BCL11B: variants seen among roughly 807,000 people sequenced by gnomAD.
BCL11B encodes the protein B-cell lymphoma/leukemia 11B.
In BCL11B, 8 loss-of-function variants were observed where a neutral mutation model predicts 49.9. That is an observed-to-expected ratio of 0.16 (90% CI 0.09 to 0.29). The LOEUF (loss-of-function observed/expected upper bound fraction) is 0.29, where lower values mean the gene tolerates loss of function less well. Among genes scored for constraint, BCL11B ranks in the 10% least tolerant of loss-of-function variants. The pLI is 1.00. For synonymous variants in BCL11B, 739 were observed against 637.4 expected (o/e 1.16, Z -2.40); for missense variants, 1,006 against 1,351.0 (o/e 0.74, Z 4.00).
At chr14:99,238,617 A>G (rs995672963) in intron 2 of BCL11B, among the ~76,000 whole-genome samples, 3 of 152,126 alleles carry the variant, frequency 2.0e-5, no homozygotes, top group Admixed American at 6.5e-5. Context: ...TCCAGCCCCT[A>G]AGTGGGCATT....
chr14:99,264,825 C>T (rs1031550708), intron 1 of BCL11B: 1 of 152,194 alleles, frequency 6.6e-6, no homozygotes, highest in Non-Finnish European at 1.5e-5. Flanking sequence ...TCTCTTTCCA[C>T]GCGTCTCCAA....
At chr14:99,196,518 T>C (rs1887183876) in intron 3 of BCL11B, among the ~76,000 whole-genome samples, 1 of 126,850 alleles carries the variant, frequency 7.9e-6, no homozygotes, top group South Asian at 2.2e-4. Flanking sequence ...GTCAAAGCTG[T>C]TCCCAGTGGG....
rs2139930553 is a variant in BCL11B at position 99,247,148 on chromosome 14, CTTCT to C, written c.427+10319_427+10322del. 6.6e-6 allele frequency among the ~76,000 whole-genome samples: 1 copy of C among 152,288 alleles called. No individual in the cohort carries two copies. Among genetic ancestry groups the C allele is most frequent in the South Asian group, 2.1e-4 (1 of 4,824 alleles). On this transcript the variant is annotated intron_variant, in intron 2 of 3. Transcript: ENST00000357195. This position sits in a 1 kb window ranked among gnomAD's most constrained non-coding sequence, Gnocchi z 4.5. ...GGGGCCCGTCTGTTTCTGGAAATGACTTCTTTCTCTCTTTCCCCTTCTCCCCAAA... is the reference window on the plus strand; with the variant it reads ...GGGGCCCGTCTGTTTCTGGAAATGACTTCTCTCTTTCCCCTTCTCCCCAAA...
Position 99,232,958 on chromosome 14 carries a change from C to A in BCL11B, c.428-1401G>T, listed in dbSNP as rs938129347. ...AAGCTAACACCAACACTGCTCGGAA[C>A]CCCCTGAACCAACAAAGACCTCATA... On this transcript the variant is annotated intron_variant, in intron 2 of 3. Coordinates refer to ENST00000357195, the MANE Select transcript of BCL11B (RefSeq NM_138576.4). This position sits in a 1 kb window ranked among gnomAD's most constrained non-coding sequence, Gnocchi z 5.1. Among the ~76,000 whole-genome samples the A allele has an allele frequency of 6.6e-6, 1 of 152,210 alleles. No homozygotes were observed. Among genetic ancestry groups the A allele is most frequent in the African/African-American group, 2.4e-5 (1 of 41,446 alleles).
chr14:99,268,024 C>T (rs906469860), intron 1 of BCL11B, among the ~76,000 whole-genome samples: 2 of 152,168 alleles, frequency 1.3e-5, no homozygotes, highest in African/African-American at 2.4e-5. Context: ...GTCAGCCGAT[C>T]CCCCTTAACC....
At chr14:99,266,676 A>G (rs1290807871) in intron 1 of BCL11B, among the ~76,000 whole-genome samples, 1 of 152,236 alleles carries the variant, frequency 6.6e-6, no homozygotes, top group Non-Finnish European at 1.5e-5. Flanking sequence ...TGCTGATGGA[A>G]GCCCGTTCCT....
intron 3 of BCL11B, among the ~76,000 whole-genome samples, chr14:99,210,079 C>T (rs1261673088): frequency 2.0e-5 from 3 of 152,048 alleles, no homozygotes; most frequent in African/African-American, 7.2e-5. Context: ...TCCTGGGCAG[C>T]ACGATTGATT....
At position 99,174,628 on chromosome 14, in the gene BCL11B, G is replaced by A; in HGVS notation, c.2208C>T (p.Pro736=). The A allele has an allele frequency of 1.9e-6, 3 of 1,564,824 alleles. No homozygotes were observed. The South Asian group carries it at 3.5e-5, about 18-fold the overall frequency. The change falls in exon 4 of 4, where the codon CCC becomes CCT. Residue 736 remains proline, a synonymous_variant. Transcript: ENST00000357195. The part of the protein sequence containing the change: ...FLGFTDARQS[P]FATSSEHSSE... The stretch of plus-strand genomic sequence containing the variant: ...ACGAGTGCTCGGACGACGTGGCGAA[G>A]GGCGACTGTCGTGCGTCCGTGAAGC...
Position 99,175,657 on chromosome 14 carries a change from G to A in BCL11B, c.1179C>T (p.Asn393=), listed in dbSNP as rs374131946. 323 of 1,559,348 alleles carry A rather than the reference G, an allele frequency of 2.1e-4. 2 individuals carry two copies. The African/African-American group carries it at 4.1e-3, about 20-fold the overall frequency. The change falls in exon 4 of 4, where the codon AAC becomes AAT. Residue 393 remains asparagine, a synonymous_variant. Transcript: ENST00000357195. ...GRGNPMHRLL[N]PFQPSPKSPF... ...GGGACTTGGGGCTGGGCTGGAAGGGGTTCAGGAGCCGGTGCATAGGGTTGC... is the reference window on the plus strand; with the variant it reads ...GGGACTTGGGGCTGGGCTGGAAGGGATTCAGGAGCCGGTGCATAGGGTTGC...
chr14:99,246,410 G>T (rs1566828307), intron 2 of BCL11B, among the ~76,000 whole-genome samples: 1 of 152,234 alleles, frequency 6.6e-6, no homozygotes, highest in African/African-American at 2.4e-5. Context: ...GACGATGGGC[G>T]CAAGGCCGTG....
chr14:99,254,723 G>A (rs1022050223), intron 2 of BCL11B, among the ~76,000 whole-genome samples: 1 of 152,256 alleles, frequency 6.6e-6, no homozygotes, highest in African/African-American at 2.4e-5. Context: ...AAGCCTGGAG[G>A]GACAGCCGGC....
chr14:99,198,343 C>T (rs183320372), intron 3 of BCL11B, among the ~76,000 whole-genome samples: 4 of 152,180 alleles, frequency 2.6e-5, no homozygotes, highest in Non-Finnish European at 4.4e-5. Flanking sequence ...GACAAGAACA[C>T]ACAGACATCG....
Position 99,200,306 on chromosome 14 carries a change from G to A in BCL11B, c.641-24111C>T, listed in dbSNP as rs540144642. On this transcript the variant is annotated intron_variant, in intron 3 of 3. Transcript: ENST00000357195. ...ATTCCACCCAGAATGGGCAGGGGAA[G>A]GGGACTGGGCTGAAGCCCCATTCGG... Among the ~76,000 whole-genome samples the A allele has an allele frequency of 2.6e-5, 4 of 152,350 alleles. No individual in the cohort carries two copies. In the South Asian group the frequency reaches 8.3e-4, roughly 32 times the overall value.
At chr14:99,215,911 G>T (rs932974678) in intron 3 of BCL11B, among the ~76,000 whole-genome samples, 4 of 152,128 alleles carry the variant, frequency 2.6e-5, no homozygotes, top group African/African-American at 9.7e-5. Context: ...GGGAAGTAGG[G>T]GCGAGACGCG....
At chr14:99,269,094 C>A (rs1889570615) in intron 1 of BCL11B, among the ~76,000 whole-genome samples, 1 of 152,226 alleles carries the variant, frequency 6.6e-6, no homozygotes, top group East Asian at 1.9e-4. Flanking sequence ...CAACTGCAAC[C>A]ACTCCTGGCT....
At position 99,248,826 on chromosome 14, in the gene BCL11B, A is replaced by G. The variant is rs1371202086; in HGVS notation, c.427+8645T>C. On this transcript the variant is annotated intron_variant, in intron 2 of 3. Transcript: ENST00000357195. The surrounding 1 kb of genome is among the most constrained non-coding windows in gnomAD (Gnocchi z 4.7). ...GCTGTTAGAAACCACTGGTGGCTCC[A>G]TCTCACATTTCAGCCCAGCAGGCTC... Among the ~76,000 whole-genome samples, 1 of 152,034 alleles carries G rather than the reference A, an allele frequency of 6.6e-6. No homozygotes were observed. Among genetic ancestry groups the G allele is most frequent in the African/African-American group, 2.4e-5 (1 of 41,388 alleles).
In BCL11B at chr14:99,257,466, C is replaced by T. The variant is rs200448231; in HGVS notation, c.427+5G>A. ...CAGCAACCAGGCAAGCGCAGCATCC[C>T]ATACCTGCAATGTTCTCCTGCTTGG... On this transcript the variant is annotated splice_donor_5th_base_variant and intron_variant, in intron 2 of 3. Coordinates refer to ENST00000357195, the MANE Select transcript of BCL11B (RefSeq NM_138576.4). This position sits in a 1 kb window ranked among gnomAD's most constrained non-coding sequence, Gnocchi z 6.2. 1.8e-4 allele frequency: 293 copies of T among 1,585,636 alleles called. 1 individual carries two copies. Among genetic ancestry groups the T allele is most frequent in the Middle Eastern group, 3.7e-4 (2 of 5,446 alleles).
rs777058830 is a variant in BCL11B at position 99,248,352 on chromosome 14, T to C, written c.427+9119A>G. On this transcript the variant is annotated intron_variant, in intron 2 of 3. Transcript: ENST00000357195. The surrounding 1 kb of genome is among the most constrained non-coding windows in gnomAD (Gnocchi z 4.7). ...TTCTTCCCTGGGTCCAACTCGAGGC[T>C]TGCAAGTCCTGATCACACCCTCCCC... 4.6e-5 allele frequency among the ~76,000 whole-genome samples: 7 copies of C among 152,174 alleles called. No individual in the cohort carries two copies. Among genetic ancestry groups the C allele is most frequent in the Non-Finnish European group, 7.3e-5 (5 of 68,036 alleles).
intron 3 of BCL11B, among the ~76,000 whole-genome samples, chr14:99,226,344 C>T (rs1182918718): frequency 1.3e-5 from 2 of 152,186 alleles, no homozygotes; most frequent in Admixed American, 6.5e-5. Context: ...CACACGCTCA[C>T]TCACACGGTT....
Sources: allele counts gnomAD v4.1 joint callset (sites outside exome capture counted in the v4.1 genomes callset), GRCh38; gene constraint gnomAD v4.1.1; non-coding constraint Gnocchi (gnomAD v3.1); transcripts MANE v1.5; gene names NCBI Gene and HGNC (gene_info 2026-07-23, HGNC 2026-07-21).